RNFT2: variants seen among roughly 807,000 people sequenced by gnomAD.
RNFT2 encodes the protein E3 ubiquitin-protein ligase RNFT2.
A neutral mutation model predicts 53.0 loss-of-function variants in RNFT2; 36 were observed. The observed-to-expected ratio is 0.68, with a 90% CI of 0.52 to 0.90. The LOEUF (loss-of-function observed/expected upper bound fraction) is 0.90, where lower values mean the gene tolerates loss of function less well. Among genes scored for constraint, RNFT2 ranks in the 40% least tolerant of loss-of-function variants. The pLI is 0.00. For missense variants in RNFT2, 514 were observed against 585.6 expected, an observed-to-expected ratio of 0.88 and a Z score of 1.26; for synonymous variants, 260 against 253.2, an observed-to-expected ratio of 1.03 and a Z score of -0.26.
chr12:116,760,324 T>C (rs1872648913), intron 5 of RNFT2, among the ~76,000 whole-genome samples: 1 of 152,190 alleles, frequency 6.6e-6, no homozygotes, highest in Non-Finnish European at 1.5e-5. Context: ...CTGTGGAGTC[T>C]GCACACTGGA....
intron 8 of RNFT2, among the ~76,000 whole-genome samples, chr12:116,835,644 G>T (rs1592987587): frequency 6.6e-6 from 1 of 152,304 alleles, no homozygotes; most frequent in East Asian, 1.9e-4. Flanking sequence ...GGGTTATCAG[G>T]GTGGGCTGGG....
intron 7 of RNFT2, among the ~76,000 whole-genome samples, chr12:116,786,169 T>C (rs1016793834): frequency 6.6e-6 from 1 of 151,248 alleles, no homozygotes; most frequent in African/African-American, 2.4e-5. Flanking sequence ...TCCCCCAGGC[T>C]GGAGTGCAAT....
At chr12:116,790,862 T>G (rs922741645) in intron 7 of RNFT2, among the ~76,000 whole-genome samples, 4 of 152,176 alleles carry the variant, frequency 2.6e-5, no homozygotes, top group Non-Finnish European at 5.9e-5. Flanking sequence ...GAGGCTGAAG[T>G]GGGAGGATCA....
intron 10 of RNFT2, among the ~76,000 whole-genome samples, chr12:116,843,100 G>A (rs1039736112): frequency 6.6e-6 from 1 of 152,094 alleles, no homozygotes; most frequent in Non-Finnish European, 1.5e-5. Context: ...GCCTGCTCTG[G>A]ATCTTTGGGC....
At chr12:116,788,495 C>T (rs1202870370) in intron 7 of RNFT2, among the ~76,000 whole-genome samples, 2 of 152,138 alleles carry the variant, frequency 1.3e-5, no homozygotes, top group Admixed American at 1.3e-4. Context: ...CCTACCCTGC[C>T]TCTTCAGGCT....
chr12:116,809,856 G>T (rs1213259975), intron 7 of RNFT2, among the ~76,000 whole-genome samples: 1 of 151,944 alleles, frequency 6.6e-6, no homozygotes, highest in Non-Finnish European at 1.5e-5. Context: ...GTATTTTTTA[G>T]TAAAGACAGG....
intron 5 of RNFT2, among the ~76,000 whole-genome samples, chr12:116,765,615 C>T (rs907031467): frequency 4.6e-5 from 7 of 152,140 alleles, no homozygotes; most frequent in Admixed American, 3.3e-4. Flanking sequence ...GGCAGGAACA[C>T]GCCCCCCTTT....
At chr12:116,750,929 T>C (rs1175490320) in intron 4 of RNFT2, among the ~76,000 whole-genome samples, 1 of 139,246 alleles carries the variant, frequency 7.2e-6, no homozygotes, top group East Asian at 2.1e-4. Context: ...AGACAGGGTC[T>C]TGCTCTTTCA....
Position 116,852,575 on chromosome 12 carries a change from C to T in RNFT2, c.*3127C>T, listed in dbSNP as rs1877979374. The T allele has an allele frequency of 1.2e-5, 19 of 1,612,036 alleles. No individual in the cohort carries two copies. The highest frequency in any genetic ancestry group is 1.4e-5 in the Non-Finnish European group (17 of 1,178,876). On this transcript the variant is annotated 3_prime_UTR_variant, in exon 11 of 11. Coordinates refer to ENST00000257575, the MANE Select transcript of RNFT2 (RefSeq NM_001382266.1). The stretch of plus-strand genomic sequence containing the variant: ...AATGCAGCTGCTCTGTTCTCCCTAC[C>T]CTGAGGAAAAACCAAAGGGAAGCAA...
intron 1 of RNFT2, among the ~76,000 whole-genome samples, chr12:116,739,294 T>A (rs760700175): frequency 1.1e-4 from 17 of 152,100 alleles, no homozygotes; most frequent in Non-Finnish European, 2.1e-4. Flanking sequence ...GAGCAAGGGA[T>A]CTAGAAAAGG....
chr12:116,851,784 A>G lies in RNFT2; in HGVS notation c.*2336A>G. The G allele has an allele frequency of 1.2e-6, 1 of 819,586 alleles. No homozygotes were observed. The highest frequency in any genetic ancestry group is 2.0e-6 in the Non-Finnish European group (1 of 498,668). The allele number at this position is 819,586 out of a possible 1,614,324, so 50.8% of individuals were successfully genotyped here. A position where few individuals can be genotyped will look rare whatever the true frequency, so the allele number is the denominator to read the frequency against. On this transcript the variant is annotated 3_prime_UTR_variant, in exon 11 of 11. Coordinates refer to ENST00000257575, the MANE Select transcript of RNFT2 (RefSeq NM_001382266.1). Reference sequence around the variant, plus strand: ...GAAAGAAGGGAGGGAGGGAGGAAGGAAGGAAGGAAGGAAAGAAAGAAAGGT... The same window carrying G: ...GAAAGAAGGGAGGGAGGGAGGAAGGGAGGAAGGAAGGAAAGAAAGAAAGGT...
chr12:116,739,821 T>C (rs1260730518), intron 1 of RNFT2, among the ~76,000 whole-genome samples: 1 of 152,264 alleles, frequency 6.6e-6, no homozygotes, highest in African/African-American at 2.4e-5. Flanking sequence ...CTGATTGCAC[T>C]GGGCAGCCGT....
At chr12:116,821,936 G>A (rs1876061800) in intron 7 of RNFT2, among the ~76,000 whole-genome samples, 2 of 145,800 alleles carry the variant, frequency 1.4e-5, no homozygotes, top group South Asian at 2.3e-4. Flanking sequence ...CCGGGTTCAA[G>A]CCATTCTCCT....
intron 6 of RNFT2, among the ~76,000 whole-genome samples, chr12:116,772,714 A>G (rs1467694365): frequency 6.6e-6 from 1 of 152,244 alleles, no homozygotes; most frequent in Admixed American, 6.5e-5. Context: ...TTTTCTCTAC[A>G]TATTTATACA....
chr12:116,784,272 C>T (rs1326276965), intron 7 of RNFT2, among the ~76,000 whole-genome samples: 1 of 152,212 alleles, frequency 6.6e-6, no homozygotes, highest in Non-Finnish European at 1.5e-5. Flanking sequence ...CTGCAGCTCA[C>T]GGTCTGTGGT....
chr12:116,762,629 G>T (rs1872734310), intron 5 of RNFT2, among the ~76,000 whole-genome samples: 1 of 150,088 alleles, frequency 6.7e-6, no homozygotes, highest in South Asian at 2.1e-4. Context: ...ACCCAGGCTG[G>T]AGTGCAGTGG....
intron 7 of RNFT2, among the ~76,000 whole-genome samples, chr12:116,780,696 A>G (rs1399646301): frequency 6.6e-6 from 1 of 151,630 alleles, no homozygotes; most frequent in Non-Finnish European, 1.5e-5. Flanking sequence ...AGATGTGGAG[A>G]AGAAAGGCCA....
chr12:116,842,364 G>C (rs970680592), intron 10 of RNFT2, among the ~76,000 whole-genome samples: 11 of 152,046 alleles, frequency 7.2e-5, no homozygotes, highest in African/African-American at 2.2e-4. Flanking sequence ...GATACTGGGG[G>C]CCATAATGGA....
chr12:116,838,677 A>G (rs186593719), intron 10 of RNFT2, among the ~76,000 whole-genome samples: 27 of 152,344 alleles, frequency 1.8e-4, no homozygotes, highest in African/African-American at 5.5e-4. Flanking sequence ...CTTCAGAGCC[A>G]TCTGTAGTTC....
Sources: gnomAD v4.1 joint callset for allele counts (sites outside exome capture counted in the v4.1 genomes callset) on GRCh38, gnomAD v4.1.1 for gene constraint, MANE v1.5 for transcripts, NCBI Gene and HGNC (gene_info 2026-07-23, HGNC 2026-07-21) for gene names.